Variants in OPCML observed in about 807,000 individuals in gnomAD.
OPCML encodes the protein opioid binding protein/cell adhesion molecule like.
OPCML carries 13 observed loss-of-function variants against 37.8 expected under a neutral mutation model. The ratio of observed to expected loss-of-function variants is 0.34; its 90% CI spans 0.22 to 0.55. OPCML has a LOEUF of 0.55. Among genes scored for constraint, OPCML ranks in the 20% least tolerant of loss-of-function variants. The pLI is 0.91. For missense variants in OPCML, 341 were observed against 435.6 expected (o/e 0.78, Z 1.93); for synonymous variants, 176 against 168.8 (o/e 1.04, Z -0.33).
At chr11:132,934,555 T>A (rs1945311038) in intron 2 of OPCML, among the ~76,000 whole-genome samples, 1 of 152,172 alleles carries the variant, frequency 6.6e-6, no homozygotes, top group Admixed American at 6.5e-5. Context: ...CAGGCATTCT[T>A]ATCTGCCAAC....
At position 133,253,761 on chromosome 11, in the gene OPCML, G is replaced by A. The variant is rs537559297; in HGVS notation, c.61+278503C>T. ...AAAACAAGACACAAGCAAGTTAAGT[G>A]CAGGGAAGCATTGTTAAAGGTTAGC... is the stretch of plus-strand genomic sequence containing the variant. On this transcript the variant is annotated intron_variant, in intron 1 of 7. Transcript: ENST00000524381. Among the ~76,000 whole-genome samples, 11 of 152,212 alleles carry A rather than the reference G, an allele frequency of 7.2e-5. No individual in the cohort carries two copies. The South Asian group carries it at 2.3e-3, about 32-fold the overall frequency.
At chr11:132,788,966 T>G (rs979275973) in intron 2 of OPCML, among the ~76,000 whole-genome samples, 1 of 152,226 alleles carries the variant, frequency 6.6e-6, no homozygotes, top group African/African-American at 2.4e-5. Context: ...TTAGCCTTCG[T>G]GTTCCTCTCT....
chr11:133,318,390 C>T (rs953654390), intron 1 of OPCML, among the ~76,000 whole-genome samples: 1 of 152,116 alleles, frequency 6.6e-6, no homozygotes, highest in African/African-American at 2.4e-5. Context: ...CTCCACCATC[C>T]CCCAGATGAC....
intron 2 of OPCML, among the ~76,000 whole-genome samples, chr11:132,897,586 G>A (rs150490084): frequency 1.1e-3 from 167 of 152,264 alleles, no homozygotes; most frequent in Admixed American, 3.7e-3. Flanking sequence ...GAGAAAAATC[G>A]GGCTTTGTGG....
intron 1 of OPCML, among the ~76,000 whole-genome samples, chr11:133,374,276 T>A (rs1427538862): frequency 6.6e-6 from 1 of 152,004 alleles, no homozygotes; most frequent in Non-Finnish European, 1.5e-5. Context: ...GTCTAGAAAA[T>A]GCACTCTAGT....
intron 4 of OPCML, among the ~76,000 whole-genome samples, chr11:132,476,007 C>A (rs1007453499): frequency 6.6e-6 from 1 of 152,154 alleles, no homozygotes; most frequent in Admixed American, 6.5e-5. Flanking sequence ...AGAGTATCTA[C>A]CTCAAATGGT....
chr11:132,876,289 G>C (rs539240008), intron 2 of OPCML, among the ~76,000 whole-genome samples: 3 of 152,320 alleles, frequency 2.0e-5, no homozygotes, highest in Non-Finnish European at 4.4e-5. Flanking sequence ...TTTGAGGGCA[G>C]ACATATTGTC....
In OPCML at chr11:133,197,371, T is replaced by G. The variant is rs141904420; in HGVS notation, c.62-254361A>C. Among the ~76,000 whole-genome samples the G allele has an allele frequency of 4.7e-3, 723 of 152,322 alleles. 2 individuals carry two copies. The highest frequency in any genetic ancestry group is 7.0e-3 in the Non-Finnish European group (478 of 68,022). On this transcript the variant is annotated intron_variant, in intron 1 of 7. Coordinates refer to ENST00000524381, the MANE Select transcript of OPCML (RefSeq NM_001012393.5). Reference sequence around the variant, plus strand: ...TTGGTAAGAGATCATTAAACCTTAATATGTTCACTCATTAAAGGCAGCTAC... The same window carrying G: ...TTGGTAAGAGATCATTAAACCTTAAGATGTTCACTCATTAAAGGCAGCTAC...
At chr11:133,518,447 A>G (rs1948331571) in intron 1 of OPCML, among the ~76,000 whole-genome samples, 1 of 151,542 alleles carries the variant, frequency 6.6e-6, no homozygotes, top group African/African-American at 2.4e-5. Flanking sequence ...GTGGGCAGGT[A>G]TGGGTATTTG....
intron 4 of OPCML, among the ~76,000 whole-genome samples, chr11:132,476,852 T>TA (rs951473881): frequency 2.0e-5 from 3 of 150,932 alleles, no homozygotes; most frequent in Non-Finnish European, 4.4e-5. Context: ...ATAAAAAAAT[T>TA]AAAAAAAATT....
intron 1 of OPCML, chr11:133,422,018 G>T: frequency 7.0e-6 from 3 of 429,266 alleles, no homozygotes; most frequent in Non-Finnish European, 6.2e-6. Context: ...TGCAGAATGT[G>T]CATTTTTGTT....
chr11:133,146,218 A>G, intron 1 of OPCML, among the ~76,000 whole-genome samples: 1 of 151,440 alleles, frequency 6.6e-6, no homozygotes, highest in South Asian at 2.1e-4. Flanking sequence ...CACAGGGATG[A>G]TGAGTGAGCT....
At chr11:132,557,355 G>A (rs60056903) in intron 3 of OPCML, among the ~76,000 whole-genome samples, 3,514 of 152,224 alleles carry the variant, frequency 0.023, 170 homozygotes, top group East Asian at 0.21. Context: ...ATTTCTGTTC[G>A]CTCAGTTGAG....
chr11:133,008,780 A>G, intron 1 of OPCML: 1 of 544,040 alleles, frequency 1.8e-6, no homozygotes, highest in Non-Finnish European at 2.3e-6. Flanking sequence ...ATTCTGATCC[A>G]CTTCCTGTTC....
chr11:132,437,376 A>G lies in OPCML; in HGVS notation c.506-17T>C. ...CCTGGCCTTCTGGGAAGAAAGAAGC[A>G]GACAGGAAACAATCAGGAAACTGTG... On this transcript the variant is annotated splice_polypyrimidine_tract_variant and intron_variant, in intron 4 of 7. Transcript: ENST00000524381. The G allele has an allele frequency of 1.2e-6, 2 of 1,613,246 alleles. No individual in the cohort carries two copies. The highest frequency in any genetic ancestry group is 1.7e-6 in the Non-Finnish European group (2 of 1,179,612).
chr11:132,842,483 C>A (rs766576143), intron 2 of OPCML, among the ~76,000 whole-genome samples: 5 of 152,166 alleles, frequency 3.3e-5, no homozygotes, highest in Non-Finnish European at 7.3e-5. Context: ...AAGCCATTTG[C>A]CTCTGTGCTG....
intron 1 of OPCML, among the ~76,000 whole-genome samples, chr11:133,164,170 G>A (rs1950179677): frequency 6.6e-6 from 1 of 152,168 alleles, no homozygotes; most frequent in African/African-American, 2.4e-5. Context: ...ACAGTGCAGT[G>A]CCCTCGAGTT....
At chr11:133,487,714 A>G (rs1162108393) in intron 1 of OPCML, among the ~76,000 whole-genome samples, 1 of 152,084 alleles carries the variant, frequency 6.6e-6, no homozygotes, top group Non-Finnish European at 1.5e-5. Context: ...CTAAATAGAT[A>G]TTTATTGATT....
chr11:133,000,072 T>C (rs1415709231), intron 1 of OPCML, among the ~76,000 whole-genome samples: 2 of 152,210 alleles, frequency 1.3e-5, no homozygotes, highest in African/African-American at 4.8e-5. Flanking sequence ...GTTTTTTTGT[T>C]TTGAGACACA....
Sources: allele counts gnomAD v4.1 joint callset (sites outside exome capture counted in the v4.1 genomes callset), GRCh38; gene constraint gnomAD v4.1.1; transcripts MANE v1.5; gene names NCBI Gene and HGNC (gene_info 2026-07-23, HGNC 2026-07-21).